ZC3H7B: variants seen among roughly 807,000 people sequenced by gnomAD.
ZC3H7B encodes zinc finger CCCH-type containing 7B, also known as zinc finger CCCH domain-containing protein 7B.
Under a neutral mutation model 116.0 loss-of-function variants are expected in ZC3H7B, and 35 were observed. The observed-to-expected ratio is 0.30, with a 90% confidence interval of 0.23 to 0.40. The LOEUF is 0.40. Ranked by LOEUF, ZC3H7B falls within the 10% of genes least tolerant of loss-of-function variation. The pLI, the probability that ZC3H7B is intolerant of heterozygous loss-of-function variation, is 1.00. For synonymous variants in ZC3H7B, 502 were observed against 545.6 expected (o/e 0.92, Z 1.11); for missense variants, 1,011 against 1,321.5 (o/e 0.77, Z 3.64).
Position 41,356,449 on chromosome 22 carries a change from G to A in ZC3H7B, c.2490G>A (p.Gln830=), listed in dbSNP as rs2036718171. Residue 830 remains glutamine (Q), a synonymous_variant, in exon 21 of 23, where the codon CAG becomes CAA. Transcript: ENST00000352645. Reference sequence around the variant, plus strand: ...CTCGGGAAGGGGAGAAGCAGATCCAGATGCCCACGGACTACGCGGACATCA... The same window carrying A: ...CTCGGGAAGGGGAGAAGCAGATCCAAATGCCCACGGACTACGCGGACATCA... The part of the protein sequence containing the change: ...ISSREGEKQI[Q]MPTDYADIMM... 6.2e-7 allele frequency: 1 copy of A among 1,614,018 alleles called. No individual in the cohort carries two copies. Among genetic ancestry groups the A allele is most frequent in the Non-Finnish European group, 8.5e-7 (1 of 1,180,054 alleles).
Position 41,356,496 on chromosome 22 carries a change from T to C in ZC3H7B, c.2517+20T>C, listed in dbSNP as rs749635606. ...ATCATGGTAACGCCTCCGCCCTGCA[T>C]GCTCGGGGCTGCGGTCGGGGCTGTG... On this transcript the variant is annotated intron_variant, in intron 21 of 22. Transcript: ENST00000352645. 8 of 1,613,588 alleles carry C rather than the reference T, an allele frequency of 5.0e-6. No homozygotes were observed. In the South Asian group the frequency reaches 8.8e-5, roughly 18 times the overall value.
chr22:41,355,239 T>C (rs559030220), intron 17 of ZC3H7B, among the ~76,000 whole-genome samples: 1 of 151,928 alleles, frequency 6.6e-6, no homozygotes, highest in African/African-American at 2.4e-5. Flanking sequence ...TCCCAGGGAG[T>C]TGGGCGAGGC....
At chr22:41,326,954 C>T (rs2036326861) in intron 4 of ZC3H7B, among the ~76,000 whole-genome samples, 1 of 152,240 alleles carries the variant, frequency 6.6e-6, no homozygotes. Context: ...TCTTCAGGCC[C>T]TTCCCTGCAA....
chr22:41,353,474 C>A (rs2036678657), intron 17 of ZC3H7B, among the ~76,000 whole-genome samples: 1 of 152,244 alleles, frequency 6.6e-6, no homozygotes, highest in Non-Finnish European at 1.5e-5. Flanking sequence ...CACATCGTCC[C>A]CAGGTGGTGG....
At position 41,338,031 on chromosome 22, in the gene ZC3H7B, C is replaced by T. The variant is rs1274761420; in HGVS notation, c.583-282C>T. 6.6e-6 allele frequency among the ~76,000 whole-genome samples: 1 copy of T among 152,172 alleles called. No homozygotes were observed. Among genetic ancestry groups the T allele is most frequent in the East Asian group, 1.9e-4 (1 of 5,184 alleles). On this transcript the variant is annotated intron_variant, in intron 7 of 22. Coordinates refer to ENST00000352645, the MANE Select transcript of ZC3H7B (RefSeq NM_017590.6). This position sits in a 1 kb window ranked among gnomAD's most constrained non-coding sequence, Gnocchi z 4.5. ...TACAGGCTCCTGCCACCATGCCCGA[C>T]TAATTTTTGTATTTTTAGTAGAGAT...
At position 41,346,490 on chromosome 22, in the gene ZC3H7B, C is replaced by G. The variant is rs1408283092; in HGVS notation, c.1665+282C>G. Among the ~76,000 whole-genome samples the G allele has an allele frequency of 6.6e-6, 1 of 152,216 alleles. No individual in the cohort carries two copies. The highest frequency in any genetic ancestry group is 2.4e-5 in the African/African-American group (1 of 41,474). On this transcript the variant is annotated intron_variant, in intron 14 of 22. Transcript: ENST00000352645. This position sits in a 1 kb window ranked among gnomAD's most constrained non-coding sequence, Gnocchi z 5.3. ...CACCTGCTCTTTTCTGACAGCCAGT[C>G]ATAGGCAGGGCTTGGCACGTGGTTG...
intron 4 of ZC3H7B, 64 bp downstream of exon 4, chr22:41,325,982 G>T (rs1413995064): frequency 5.5e-5 from 84 of 1,530,608 alleles, no homozygotes; most frequent in Non-Finnish European, 7.1e-5. Flanking sequence ...GCCCAGTCGA[G>T]CCAGGCCCAT....
chr22:41,313,275 C>T (rs533464319), intron 1 of ZC3H7B, among the ~76,000 whole-genome samples: 606 of 152,088 alleles, frequency 4.0e-3, no homozygotes, highest in Middle Eastern at 6.8e-3. Context: ...CCCGCCACCA[C>T]GCCAGGCTAA....
chr22:41,326,063 G>C, intron 4 of ZC3H7B, 145 bp downstream of exon 4: 1 of 977,732 alleles, frequency 1.0e-6, no homozygotes, highest in South Asian at 1.7e-5. Flanking sequence ...GTCTGTTCTC[G>C]TGGCTCTTAA....
At chr22:41,322,043 T>G (rs1209772390) in intron 2 of ZC3H7B, among the ~76,000 whole-genome samples, 4 of 148,726 alleles carry the variant, frequency 2.7e-5, no homozygotes, top group Non-Finnish European at 1.5e-5. Flanking sequence ...GTTTCACCGT[T>G]TTAGCTGGGA....
rs767786546 is a variant in ZC3H7B at position 41,356,598 on chromosome 22, G to T, written c.2518-47G>T. On this transcript the variant is annotated intron_variant, in intron 21 of 22. Coordinates refer to ENST00000352645, the MANE Select transcript of ZC3H7B (RefSeq NM_017590.6). ...TCAGCCTCTCCGAGGTGGGTGGTCCGGGCAGAGGTGTGGGGGAGCAGGCAC... is the reference window on the plus strand; with the variant it reads ...TCAGCCTCTCCGAGGTGGGTGGTCCTGGCAGAGGTGTGGGGGAGCAGGCAC... The T allele has an allele frequency of 6.3e-5, 102 of 1,611,510 alleles. 2 individuals are homozygous for T. In the South Asian group the frequency reaches 1.1e-3, roughly 17 times the overall value.
At chr22:41,320,779 C>A in intron 2 of ZC3H7B, 66 bp downstream of exon 2, 1 of 1,592,352 alleles carries the variant, frequency 6.3e-7, no homozygotes, top group Non-Finnish European at 8.6e-7. Context: ...GAGAGCCATG[C>A]CCTCCCAGCG....
At chr22:41,320,874 C>T (rs1036919945) in intron 2 of ZC3H7B, among the ~76,000 whole-genome samples, 161 bp downstream of exon 2, 1 of 152,170 alleles carries the variant, frequency 6.6e-6, no homozygotes, top group Non-Finnish European at 1.5e-5. Flanking sequence ...CAGGAAGGGG[C>T]TGGTGTGGCT....
rs57147100 is a variant in ZC3H7B at position 41,309,008 on chromosome 22, C to CTTTTTT, written c.-7+7252_-7+7257dup. Among the ~76,000 whole-genome samples the CTTTTTT allele has an allele frequency of 1.2e-4, 12 of 103,298 alleles. 1 individual carries two copies. The highest frequency in any genetic ancestry group is 2.1e-4 in the Non-Finnish European group (11 of 51,572). The allele number at this position is 103,298 out of a possible 152,430, so 67.8% of individuals were successfully genotyped here. On this transcript the variant is annotated intron_variant, in intron 1 of 22. Coordinates refer to ENST00000352645, the MANE Select transcript of ZC3H7B (RefSeq NM_017590.6). ...GGGCCTTCCCTAAACTCCCAGTCTG[C>CTTTTTT]TTTTTTTTTTTTTTTTTTTTTGAGA...
At position 41,339,956 on chromosome 22, in the gene ZC3H7B, C is replaced by T. The variant is rs763030430; in HGVS notation, c.957C>T (p.Ala319=). The change falls in exon 10 of 23, where the codon GCC becomes GCT. Residue 319 remains alanine, a synonymous_variant. Coordinates refer to ENST00000352645, the MANE Select transcript of ZC3H7B (RefSeq NM_017590.6). The stretch of plus-strand genomic sequence containing the variant: ...CTGTCTCCAGCCCACTGCCCCCCGC[C>T]TCCTTCGGCTTGGTCATGGACCCCT... The part of the protein sequence containing the change: ...SIPVSSPLPP[A]SFGLVMDPSK... 8.1e-6 allele frequency: 13 copies of T among 1,612,756 alleles called. No homozygotes were observed. The Admixed American group carries it at 1.5e-4, about 19-fold the overall frequency.
intron 7 of ZC3H7B, chr22:41,336,856 T>C (rs1443421985): frequency 6.9e-6 from 1 of 145,520 alleles, no homozygotes; most frequent in African/African-American, 2.5e-5. Context: ...AAAAAAAAAG[T>C]TGGGTGTGGT....
At chr22:41,345,517 G>C (rs941070595) in intron 13 of ZC3H7B, among the ~76,000 whole-genome samples, 1 of 152,118 alleles carries the variant, frequency 6.6e-6, no homozygotes, top group East Asian at 1.9e-4. Flanking sequence ...TCCAGGAGGC[G>C]GAGGTTGCAG....
intron 1 of ZC3H7B, among the ~76,000 whole-genome samples, chr22:41,310,865 C>T (rs551195043): frequency 6.6e-5 from 10 of 152,020 alleles, no homozygotes; most frequent in Admixed American, 4.6e-4. Context: ...CCTGGGTTCA[C>T]GCCATTCTCC....
intron 1 of ZC3H7B, among the ~76,000 whole-genome samples, chr22:41,319,398 C>T (rs2036226085): frequency 6.6e-6 from 1 of 151,496 alleles, no homozygotes; most frequent in African/African-American, 2.4e-5. Flanking sequence ...AGAACTCCCT[C>T]TCAAAAAAAA....
Sources: gnomAD v4.1 joint callset for allele counts (sites outside exome capture counted in the v4.1 genomes callset) on GRCh38, gnomAD v4.1.1 for gene constraint, Gnocchi (gnomAD v3.1) non-coding constraint, MANE v1.5 for transcripts, NCBI Gene and HGNC (gene_info 2026-07-23, HGNC 2026-07-21) for gene names.